APPL2: variants seen among roughly 807,000 people sequenced by gnomAD.
APPL2 encodes DCC-interacting protein 13-beta.
Under a neutral mutation model 92.7 loss-of-function variants are expected in APPL2, and 84 were observed. The ratio of observed to expected loss-of-function variants is 0.91; its 90% CI spans 0.76 to 1.09. The LOEUF (loss-of-function observed/expected upper bound fraction) is 1.09. APPL2 is among the 50% of genes least tolerant of loss of function. The probability of loss-of-function intolerance (pLI) is 0.00; values close to 1 mark genes in which losing one functional copy is unlikely to be tolerated. For missense variants in APPL2, 736 were observed against 824.5 expected, an observed-to-expected ratio of 0.89 and a Z score of 1.31; for synonymous variants, 291 against 291.0, an observed-to-expected ratio of 1.00 and a Z score of 0.00.
chr12:105,208,685 C>T lies in APPL2; in HGVS notation c.374-486G>A, dbSNP rs149385027. On this transcript the variant is annotated intron_variant, in intron 5 of 20. Coordinates refer to ENST00000258530, the MANE Select transcript of APPL2 (RefSeq NM_018171.5). ...ACGCGGTGCTTGTACTAATGAAAAA[C>T]GTGACACGATCTAGCATACTGTAGT... is the stretch of plus-strand genomic sequence containing the variant. Among the ~76,000 whole-genome samples, 681 of 152,236 alleles carry T rather than the reference C, an allele frequency of 4.5e-3. 3 individuals are homozygous for T. The highest frequency in any genetic ancestry group is 7.0e-3 in the Non-Finnish European group (479 of 68,018).
intron 17 of APPL2, among the ~76,000 whole-genome samples, chr12:105,186,627 C>G (rs1337654060): frequency 1.7e-4 from 17 of 100,254 alleles, no homozygotes; most frequent in Middle Eastern, 9.2e-3. Context: ...ATATATATAT[C>G]ATATATATCA....
At chr12:105,189,970 A>G in intron 15 of APPL2, 21 bp downstream of exon 15, 1 of 1,612,888 alleles carries the variant, frequency 6.2e-7, no homozygotes, top group Non-Finnish European at 8.5e-7. Context: ...TCTCCCAGAG[A>G]TAACCTCTCT....
chr12:105,211,176 A>C (rs974037296), intron 5 of APPL2, 54 bp downstream of exon 5: 1 of 1,189,072 alleles, frequency 8.4e-7, no homozygotes, highest in African/African-American at 1.5e-5. Context: ...AATTATTATG[A>C]AATGCATTAC....
At chr12:105,217,257 T>C in intron 3 of APPL2, 117 bp from the exon 4 acceptor site, 1 of 656,722 alleles carries the variant, frequency 1.5e-6, no homozygotes, top group Non-Finnish European at 2.6e-6. Flanking sequence ...CAAGAGCACG[T>C]CCTATCAGAA....
chr12:105,186,242 C>A (rs1886599605), intron 17 of APPL2, among the ~76,000 whole-genome samples: 1 of 152,048 alleles, frequency 6.6e-6, no homozygotes, highest in Admixed American at 6.5e-5. Context: ...CCAGGATGAG[C>A]ATCCCAAAAT....
chr12:105,216,670 C>A (rs1464604501), intron 4 of APPL2, among the ~76,000 whole-genome samples: 1 of 152,188 alleles, frequency 6.6e-6, no homozygotes, highest in Non-Finnish European at 1.5e-5. Flanking sequence ...TCCCCGGAGC[C>A]AACGGAAGCA....
intron 14 of APPL2, among the ~76,000 whole-genome samples, chr12:105,194,303 A>G (rs971365362): frequency 1.3e-5 from 2 of 152,234 alleles, no homozygotes; most frequent in Non-Finnish European, 2.9e-5. Flanking sequence ...CTAAAGCACT[A>G]TTCAAAATGA....
At position 105,199,436 on chromosome 12, in the gene APPL2, T is replaced by A. The variant is rs757709237; in HGVS notation, c.800A>T (p.Asp267Val). Reference sequence around the variant, plus strand: ...CCTGTTGATCTGTGGTGCGGCCACATCAGAGTCTGGAGTGTAAACAGATTC... The same window carrying A: ...CCTGTTGATCTGTGGTGCGGCCACAACAGAGTCTGGAGTGTAAACAGATTC... ...VDESVYTPDS[D>V]VAAPQINRNL... The change falls in exon 10 of 21, where the codon GAT becomes GTT. Residue 267 changes from aspartate (D) to valine (V), a missense_variant. Coordinates refer to ENST00000258530, the MANE Select transcript of APPL2 (RefSeq NM_018171.5). 6 of 1,614,184 alleles carry A rather than the reference T, an allele frequency of 3.7e-6. No homozygotes were observed. Among genetic ancestry groups the A allele is most frequent in the Non-Finnish European group, 5.1e-6 (6 of 1,180,020 alleles).
At chr12:105,188,554 T>C (rs1162546342) in intron 16 of APPL2, 107 bp from the exon 17 acceptor site, 10 of 1,205,966 alleles carry the variant, frequency 8.3e-6, no homozygotes, top group Non-Finnish European at 1.1e-5. Context: ...TGGAGGACTT[T>C]CTACCAAAAT....
Position 105,236,015 on chromosome 12 carries a change from T to G in APPL2, c.-3A>C. 5 of 1,247,284 alleles carry G rather than the reference T, an allele frequency of 4.0e-6. No homozygotes were observed. The highest frequency in any genetic ancestry group is 5.1e-6 in the Non-Finnish European group (5 of 988,360). The allele number at this position is 1,247,284 out of a possible 1,614,324, so 77.3% of individuals were successfully genotyped here. The stretch of plus-strand genomic sequence containing the variant: ...AGGAGCTTGTCCACGGCGGGCATGG[T>G]GCGGCGCGGCTCAGCCGAGGGCTGG... On this transcript the variant is annotated 5_prime_UTR_variant, in exon 1 of 21. Coordinates refer to ENST00000258530, the MANE Select transcript of APPL2 (RefSeq NM_018171.5).
At position 105,217,532 on chromosome 12, in the gene APPL2, G is replaced by C. The variant is rs76165132; in HGVS notation, c.213+134C>G. ...CACTGATTTCAATACATCAGTGGAA[G>C]GGAAAAGACAGGACAAAAAAACTAT... On this transcript the variant is annotated intron_variant, in intron 3 of 20. Coordinates refer to ENST00000258530, the MANE Select transcript of APPL2 (RefSeq NM_018171.5). 6.5e-3 allele frequency: 5,216 copies of C among 804,640 alleles called. 230 individuals are homozygous for C. In the East Asian group the frequency reaches 0.099, roughly 15 times the overall value. 49.8% of individuals were successfully genotyped at this position (804,640 alleles called of 1,614,324 possible).
intron 3 of APPL2, among the ~76,000 whole-genome samples, chr12:105,217,383 G>A (rs1359224111): frequency 6.6e-6 from 1 of 152,136 alleles, no homozygotes; most frequent in Non-Finnish European, 1.5e-5. Context: ...CTTTATTTGA[G>A]TGTTTATTTC....
intron 2 of APPL2, among the ~76,000 whole-genome samples, chr12:105,227,244 C>A (rs1020843727): frequency 2.6e-5 from 4 of 152,076 alleles, no homozygotes; most frequent in Admixed American, 2.0e-4. Context: ...TCAAGCAATC[C>A]TCCCGTCTTG....
intron 1 of APPL2, among the ~76,000 whole-genome samples, chr12:105,232,163 C>T (rs1890971343): frequency 6.6e-6 from 1 of 152,098 alleles, no homozygotes; most frequent in Non-Finnish European, 1.5e-5. Flanking sequence ...TTTTACATAC[C>T]TCCAAACACA....
At chr12:105,191,765 T>G (rs2246510) in intron 14 of APPL2, among the ~76,000 whole-genome samples, 63,220 of 152,086 alleles carry the variant, frequency 0.42, 14,582 homozygotes, top group East Asian at 0.65. Flanking sequence ...CCTTGAACTC[T>G]CCTCTCGGTT....
At chr12:105,186,738 T>C (rs1886763984) in intron 17 of APPL2, among the ~76,000 whole-genome samples, 1 of 147,874 alleles carries the variant, frequency 6.8e-6, no homozygotes, top group South Asian at 2.1e-4. Context: ...ATATATATCA[T>C]ATATATATAA....
chr12:105,205,330 T>C (rs915834318), intron 8 of APPL2, among the ~76,000 whole-genome samples: 1 of 152,016 alleles, frequency 6.6e-6, no homozygotes, highest in African/African-American at 2.4e-5. Context: ...ATACGAAAAA[T>C]GAAAGATGCC....
intron 5 of APPL2, among the ~76,000 whole-genome samples, chr12:105,208,596 T>C (rs939725187): frequency 5.9e-5 from 9 of 152,342 alleles, no homozygotes; most frequent in East Asian, 1.9e-4. Context: ...ACCCAGAACC[T>C]AAAAGCTTCC....
At position 105,177,172 on chromosome 12, in the gene APPL2, T is replaced by C. The variant is rs1311179730; in HGVS notation, c.1671+54A>G. 5 of 1,604,858 alleles carry C rather than the reference T, an allele frequency of 3.1e-6. No individual in the cohort carries two copies. The East Asian group carries it at 1.1e-4, about 36-fold the overall frequency. On this transcript the variant is annotated intron_variant, in intron 18 of 20. Transcript: ENST00000258530. ...GTGCCTAGGCTGTGTTTAAGGTAGA[T>C]ACAAAGGTGAATTAAGGAGTAATCA...
Sources: gnomAD v4.1 joint callset for allele counts (sites outside exome capture counted in the v4.1 genomes callset) on GRCh38, gnomAD v4.1.1 for gene constraint, MANE v1.5 for transcripts, NCBI Gene and HGNC (gene_info 2026-07-23, HGNC 2026-07-21) for gene names.